CCSER2: variants seen among roughly 807,000 people sequenced by gnomAD.
CCSER2 encodes serine-rich coiled-coil domain-containing protein 2.
A neutral mutation model predicts 92.3 loss-of-function variants in CCSER2; 46 were observed. The ratio of observed to expected loss-of-function variants is 0.50; its 90% CI spans 0.39 to 0.64. CCSER2 has a LOEUF of 0.64. Ranked by LOEUF, CCSER2 falls within the 30% of genes least tolerant of loss-of-function variation. The pLI, the probability that CCSER2 is intolerant of heterozygous loss-of-function variation, is 0.00. For missense variants in CCSER2, 1,244 were observed against 1,238.9 expected, an observed-to-expected ratio of 1.00 and a Z score of -0.06; for synonymous variants, 433 against 431.4, an observed-to-expected ratio of 1.00 and a Z score of -0.04.
intron 3 of CCSER2, chr10:84,391,073 T>A: frequency 1.3e-6 from 1 of 779,518 alleles, no homozygotes; most frequent in South Asian, 1.3e-5. Flanking sequence ...CCAGAATATA[T>A]TCAGATGCTA....
Position 84,458,915 on chromosome 10 carries a change from A to T in CCSER2, c.2065-5018A>T, listed in dbSNP as rs77408276. ...TTTATCATAAATGGTAGTTTTTTTT[A>T]AATTCAATTTTCAGTTGTTTGCCAT... On this transcript the variant is annotated intron_variant, in intron 6 of 9. Transcript: ENST00000372088. Among the ~76,000 whole-genome samples the T allele has an allele frequency of 7.0e-4, 106 of 151,870 alleles. 4 individuals are homozygous for T. The East Asian group carries it at 0.018, about 26-fold the overall frequency.
intron 4 of CCSER2, among the ~76,000 whole-genome samples, chr10:84,425,424 T>G (rs1413565649): frequency 6.6e-6 from 1 of 152,208 alleles, no homozygotes. Context: ...ATTATGAGTG[T>G]TTAAAATGTA....
intron 3 of CCSER2, among the ~76,000 whole-genome samples, chr10:84,380,952 C>T (rs896252246): frequency 2.0e-5 from 3 of 152,162 alleles, no homozygotes; most frequent in Non-Finnish European, 4.4e-5. Flanking sequence ...ACCTCGGCCT[C>T]CCAAAGTGCT....
intron 3 of CCSER2, among the ~76,000 whole-genome samples, chr10:84,416,183 G>A (rs1489390629): frequency 6.6e-6 from 1 of 152,204 alleles, no homozygotes; most frequent in African/African-American, 2.4e-5. Context: ...TCTTGGCAGA[G>A]GTTGGGGGTT....
At chr10:84,445,411 C>G (rs913551475) in intron 6 of CCSER2, among the ~76,000 whole-genome samples, 1 of 152,218 alleles carries the variant, frequency 6.6e-6, no homozygotes, top group Admixed American at 6.5e-5. Context: ...CCTTGGCCTC[C>G]CAAAGTGCTG....
intron 9 of CCSER2, among the ~76,000 whole-genome samples, chr10:84,488,685 A>G (rs1214956168): frequency 1.3e-5 from 2 of 152,124 alleles, no homozygotes; most frequent in Non-Finnish European, 2.9e-5. Flanking sequence ...ATTTTCAAAA[A>G]ACCAGCTCCT....
At chr10:84,491,979 GA>G (rs1447271231) in intron 9 of CCSER2, among the ~76,000 whole-genome samples, 2 of 151,790 alleles carry the variant, frequency 1.3e-5, no homozygotes, top group South Asian at 2.1e-4. Context: ...CTGATACTTA[GA>G]AAAAAAATTG....
chr10:84,501,150 A>T (rs547916807), intron 9 of CCSER2, among the ~76,000 whole-genome samples: 310 of 152,104 alleles, frequency 2.0e-3, no homozygotes, highest in African/African-American at 7.3e-3. Flanking sequence ...TCCTTCTCCC[A>T]CCACCTTGGT....
chr10:84,506,575 C>T (rs1435029698), intron 9 of CCSER2, among the ~76,000 whole-genome samples: 1 of 151,844 alleles, frequency 6.6e-6, no homozygotes, highest in African/African-American at 2.4e-5. Flanking sequence ...GGGTGGATCA[C>T]AAAGTCAGGA....
chr10:84,479,968 T>G lies in CCSER2; in HGVS notation c.2325+2304T>G, dbSNP rs1012051690. ...CTTCCCTGAGAGGAAAAAAAACAGG[T>G]GCCCAGGTTTGCACTGCATGGTAGA... On this transcript the variant is annotated intron_variant, in intron 9 of 9. Coordinates refer to ENST00000372088, the MANE Select transcript of CCSER2 (RefSeq NM_001284240.2). Among the ~76,000 whole-genome samples, 51 of 152,284 alleles carry G rather than the reference T, an allele frequency of 3.3e-4. 1 individual carries two copies. The highest frequency in any genetic ancestry group is 2.1e-3 in the Admixed American group (32 of 15,300).
chr10:84,483,953 TTATATA>T (rs57427963), intron 9 of CCSER2, among the ~76,000 whole-genome samples: 2,350 of 47,448 alleles, frequency 0.05, 25 homozygotes, highest in Non-Finnish European at 0.08. Context: ...CCCGGCTAAT[TTATATA>T]TATATATATA....
At chr10:84,496,923 A>G (rs1042577134) in intron 9 of CCSER2, among the ~76,000 whole-genome samples, 16 of 152,216 alleles carry the variant, frequency 1.1e-4, no homozygotes, top group Admixed American at 9.8e-4. Flanking sequence ...ATTTGACAGC[A>G]GGAAAAGGGA....
intron 3 of CCSER2, among the ~76,000 whole-genome samples, chr10:84,413,937 A>G (rs1312643141): frequency 3.9e-5 from 6 of 152,002 alleles, no homozygotes; most frequent in African/African-American, 1.4e-4. Context: ...TGTTGGTTTA[A>G]AGTCTATTTT....
chr10:84,480,458 A>G, intron 9 of CCSER2, among the ~76,000 whole-genome samples: 1 of 152,176 alleles, frequency 6.6e-6, no homozygotes, highest in Non-Finnish European at 1.5e-5. Context: ...AAATCTTTTG[A>G]CATATTAAAT....
rs535129491 is a variant in CCSER2 at position 84,428,547 on chromosome 10, A to G, written c.1868+2654A>G. 2.6e-5 allele frequency among the ~76,000 whole-genome samples: 4 copies of G among 152,230 alleles called. No homozygotes were observed. In the East Asian group the frequency reaches 5.8e-4, roughly 22 times the overall value. On this transcript the variant is annotated intron_variant, in intron 5 of 9. Coordinates refer to ENST00000372088, the MANE Select transcript of CCSER2 (RefSeq NM_001284240.2). ...CTGTGGGATTTTCTATATACAAGAT[A>G]TGTTATCTGCAAATAGTTTTTACCT...
At chr10:84,375,749 T>G (rs1050038089) in intron 3 of CCSER2, among the ~76,000 whole-genome samples, 3 of 151,780 alleles carry the variant, frequency 2.0e-5, no homozygotes, top group African/African-American at 7.2e-5. Context: ...TCTTTTTCTT[T>G]TGACTAGTGA....
At chr10:84,389,848 C>T (rs1230726170) in intron 3 of CCSER2, among the ~76,000 whole-genome samples, 1 of 152,226 alleles carries the variant, frequency 6.6e-6, no homozygotes, top group African/African-American at 2.4e-5. Context: ...TTTCTTCTCT[C>T]ATAATTCTTT....
chr10:84,484,293 A>G (rs945897062), intron 9 of CCSER2, among the ~76,000 whole-genome samples: 95 of 151,270 alleles, frequency 6.3e-4, no homozygotes, highest in Non-Finnish European at 1.2e-4. Context: ...CTATATTTTT[A>G]GTAGAGATGG....
At chr10:84,430,377 T>G (rs1301950444) in intron 5 of CCSER2, among the ~76,000 whole-genome samples, 1 of 152,226 alleles carries the variant, frequency 6.6e-6, no homozygotes, top group African/African-American at 2.4e-5. Flanking sequence ...GACATTTCTT[T>G]CCTCAGGTTT....
Sources: gnomAD v4.1 joint callset for allele counts (sites outside exome capture counted in the v4.1 genomes callset) on GRCh38, gnomAD v4.1.1 for gene constraint, MANE v1.5 for transcripts, NCBI Gene and HGNC (gene_info 2026-07-23, HGNC 2026-07-21) for gene names.